XK: variants seen among roughly 807,000 people sequenced by gnomAD.
XK encodes X-linked Kx blood group antigen, Kell and VPS13A binding protein, also known as endoplasmic reticulum membrane adapter protein XK.
Under a neutral mutation model 14.0 loss-of-function variants are expected in XK, and 2 were observed. The observed-to-expected ratio is 0.14, with a 90% CI of 0.06 to 0.45. The LOEUF is 0.45. Among genes scored for constraint, XK ranks in the 20% least tolerant of loss-of-function variants. The probability of loss-of-function intolerance (pLI) is 0.98; values close to 1 mark genes in which losing one functional copy is unlikely to be tolerated. For synonymous variants in XK, 149 were observed against 147.5 expected (o/e 1.01, Z -0.08); for missense variants, 235 against 341.5 (o/e 0.69, Z 2.46).
intron 2 of XK, among the ~76,000 whole-genome samples, chrX:37,713,198 A>C (rs782022095): frequency 8.9e-6 from 1 of 111,868 alleles, no homozygotes; most frequent in South Asian, 3.8e-4. Flanking sequence ...CAGCTTGACT[A>C]GGGGCTGGCA....
At chrX:37,700,937 A>T (rs1331867682) in intron 2 of XK, among the ~76,000 whole-genome samples, 2 of 111,487 alleles carry the variant, frequency 1.8e-5, no homozygotes, top group Non-Finnish European at 3.8e-5. Flanking sequence ...ATGCAAAAAA[A>T]AAAGTTATGG....
chrX:37,707,330 C>T (rs1407360971), intron 2 of XK, among the ~76,000 whole-genome samples: 12 of 109,594 alleles, frequency 1.1e-4, no homozygotes, highest in East Asian at 5.9e-4. Context: ...CCCTCCCGGA[C>T]GGGGTGGCTG....
chrX:37,700,210 A>G (rs1179909322), intron 2 of XK, among the ~76,000 whole-genome samples: 1 of 111,533 alleles, frequency 9.0e-6, no homozygotes, highest in Non-Finnish European at 1.9e-5. Context: ...ATCACACCAG[A>G]ACACATAGAG....
chrX:37,720,515 T>C (rs1006271997), intron 2 of XK, among the ~76,000 whole-genome samples: 2 of 111,391 alleles, frequency 1.8e-5, no homozygotes, highest in Non-Finnish European at 3.8e-5. Context: ...TATCCTTTTT[T>C]TCTTTTCCTT....
intron 2 of XK, among the ~76,000 whole-genome samples, chrX:37,715,990 A>G (rs1927758890): frequency 9.0e-6 from 1 of 111,541 alleles, no homozygotes; most frequent in Non-Finnish European, 1.9e-5. Context: ...CCACAAGTCA[A>G]TGGAAGTTAC....
In XK at chrX:37,685,883, G is replaced by C. The variant is rs1927050193; in HGVS notation, c.-79G>C. ...GGGCTGGGCATGCTGGGAGCCCCTC[G>C]GGCAACGGCCGCCGCCGCCACAGCC... On this transcript the variant is annotated 5_prime_UTR_variant, in exon 1 of 3. Coordinates refer to ENST00000378616, the MANE Select transcript of XK (RefSeq NM_021083.4). 6 of 1,108,824 alleles carry C rather than the reference G, an allele frequency of 5.4e-6. No individual in the cohort carries two copies. The highest frequency in any genetic ancestry group is 7.2e-6 in the Non-Finnish European group (6 of 831,125). 91.4% of individuals were successfully genotyped at this position (1,108,824 alleles called of 1,213,427 possible).
At chrX:37,721,013 T>C (rs1927860087) in intron 2 of XK, among the ~76,000 whole-genome samples, 1 of 111,210 alleles carries the variant, frequency 9.0e-6, no homozygotes, top group African/African-American at 3.3e-5. Context: ...TTATTTTTCT[T>C]TGGGTAGATG....
At chrX:37,712,379 T>C (rs1927682682) in intron 2 of XK, among the ~76,000 whole-genome samples, 1 of 112,141 alleles carries the variant, frequency 8.9e-6, no homozygotes, top group Admixed American at 9.4e-5. Context: ...AGAGGAATAT[T>C]GTGAGGAGGG....
intron 2 of XK, among the ~76,000 whole-genome samples, chrX:37,709,187 C>CA (rs1467510577): frequency 9.0e-6 from 1 of 111,515 alleles, no homozygotes; most frequent in South Asian, 3.7e-4. Context: ...AAATAACAAG[C>CA]AATAGTGTAT....
chrX:37,694,298 C>T lies in XK; in HGVS notation c.258C>T (p.Val86=). 8.3e-7 allele frequency: 1 copy of T among 1,211,907 alleles called. No homozygotes were observed. The highest frequency in any genetic ancestry group is 1.1e-6 in the Non-Finnish European group (1 of 895,495). ...GATTTGTTTTCAGGTGTTTTGAAGTCTTCTGCATCTACTTTCAGTCAGGCA... is the reference window on the plus strand; with the variant it reads ...GATTTGTTTTCAGGTGTTTTGAAGTTTTCTGCATCTACTTTCAGTCAGGCA... ...QLGPLFRCFE[V]FCIYFQSGNN... Residue 86 remains valine (V), a synonymous_variant, in exon 2 of 3, where the codon GTC becomes GTT. Transcript: ENST00000378616.
At position 37,685,902 on chromosome X, in the gene XK, C is replaced by T. The variant is rs1161418034; in HGVS notation, c.-60C>T. On this transcript the variant is annotated 5_prime_UTR_variant, in exon 1 of 3. Transcript: ENST00000378616. ...CCCCTCGGGCAACGGCCGCCGCCGCCACAGCCACACAGCCGCCGCCACTGC... is the reference window on the plus strand; with the variant it reads ...CCCCTCGGGCAACGGCCGCCGCCGCTACAGCCACACAGCCGCCGCCACTGC... 1 of 1,153,492 alleles carries T rather than the reference C, an allele frequency of 8.7e-7. No homozygotes were observed. The highest frequency in any genetic ancestry group is 1.8e-5 in the African/African-American group (1 of 56,548).
chrX:37,700,447 C>G (rs1487463255), intron 2 of XK, among the ~76,000 whole-genome samples: 2 of 112,153 alleles, frequency 1.8e-5, no homozygotes, highest in African/African-American at 3.2e-5. Context: ...CCCCTGACTT[C>G]TCTCAGGTTC....
At chrX:37,706,479 G>C (rs1344099836) in intron 2 of XK, among the ~76,000 whole-genome samples, 1 of 110,640 alleles carries the variant, frequency 9.0e-6, no homozygotes, top group Non-Finnish European at 1.9e-5. Context: ...AAGATATTCA[G>C]GTTCTACTCC....
intron 1 of XK, among the ~76,000 whole-genome samples, chrX:37,686,507 A>G (rs1406274478): frequency 8.9e-6 from 1 of 112,300 alleles, no homozygotes; most frequent in Non-Finnish European, 1.9e-5. Context: ...CTCATTAAAG[A>G]CATTGGTTTC....
chrX:37,690,717 C>A (rs1213664863), intron 1 of XK, among the ~76,000 whole-genome samples: 3 of 111,719 alleles, frequency 2.7e-5, no homozygotes, highest in Admixed American at 9.5e-5. Flanking sequence ...CAGACTTGAG[C>A]AGTTGCAACA....
Position 37,728,079 on chromosome X carries a change from C to T in XK, c.952C>T (p.Leu318=). The T allele has an allele frequency of 8.3e-7, 1 of 1,211,634 alleles. No individual in the cohort carries two copies. Among genetic ancestry groups the T allele is most frequent in the South Asian group, 1.8e-5 (1 of 56,980 alleles). The change falls in exon 3 of 3, where the codon CTG becomes TTG. Residue 318 remains leucine, a synonymous_variant. Transcript: ENST00000378616. ...CAAGTCCCATAATTGGTACCAGCTA[C>T]TGGTGTATTACATGATAAGATTCAT... ...ISKSHNWYQL[L]VYYMIRFIEN... is the part of the protein sequence containing the mutation.
At chrX:37,712,139 C>A (rs1349642505) in intron 2 of XK, among the ~76,000 whole-genome samples, 1 of 111,039 alleles carries the variant, frequency 9.0e-6, no homozygotes, top group Admixed American at 9.6e-5. Flanking sequence ...TATTTGGGGG[C>A]AGGCTGAATA....
chrX:37,699,530 G>A (rs1443378472), intron 2 of XK, among the ~76,000 whole-genome samples: 2 of 111,677 alleles, frequency 1.8e-5, no homozygotes, highest in African/African-American at 6.5e-5. Context: ...GCATGGGGGG[G>A]TGACATTTGA....
chrX:37,720,956 A>G (rs1556448814), intron 2 of XK, among the ~76,000 whole-genome samples: 1 of 111,554 alleles, frequency 9.0e-6, no homozygotes, highest in Non-Finnish European at 1.9e-5. Context: ...ACTATTGTAA[A>G]TAGTGCTACG....
Sources: gnomAD v4.1 joint callset for allele counts (sites outside exome capture counted in the v4.1 genomes callset) on GRCh38, gnomAD v4.1.1 for gene constraint, MANE v1.5 for transcripts, NCBI Gene and HGNC (gene_info 2026-07-23, HGNC 2026-07-21) for gene names.